Variants in CCSER1 observed in about 807,000 individuals in gnomAD.
CCSER1 encodes the protein coiled-coil serine rich protein 1.
CCSER1 carries 41 observed loss-of-function variants against 82.0 expected under a neutral mutation model. That is an observed-to-expected ratio of 0.50 (90% CI 0.39 to 0.65). The LOEUF (loss-of-function observed/expected upper bound fraction) is 0.65. CCSER1 is among the 30% of genes least tolerant of loss of function. CCSER1 has a pLI of 0.00. For missense variants in CCSER1, 1,119 were observed against 1,064.2 expected, an observed-to-expected ratio of 1.05 and a Z score of -0.72; for synonymous variants, 414 against 383.9, an observed-to-expected ratio of 1.08 and a Z score of -0.92.
At chr4:90,868,051 A>G (rs1413640985) in intron 8 of CCSER1, among the ~76,000 whole-genome samples, 3 of 152,026 alleles carry the variant, frequency 2.0e-5, no homozygotes, top group Admixed American at 6.6e-5. Flanking sequence ...TTTTTAAAAA[A>G]TTTTTAATTC....
chr4:91,166,575 C>T (rs1486981657), intron 10 of CCSER1, among the ~76,000 whole-genome samples: 1 of 152,148 alleles, frequency 6.6e-6, no homozygotes, highest in Admixed American at 6.5e-5. Context: ...ACCAAGCAAA[C>T]TTAATTGAGC....
chr4:90,665,123 T>C (rs1297459160), intron 6 of CCSER1, among the ~76,000 whole-genome samples: 1 of 152,090 alleles, frequency 6.6e-6, no homozygotes, highest in African/African-American at 2.4e-5. Context: ...GAGTATCTAG[T>C]AAGTTTAAGG....
intron 10 of CCSER1, among the ~76,000 whole-genome samples, chr4:91,098,887 C>T (rs1199692704): frequency 6.6e-6 from 1 of 152,052 alleles, no homozygotes; most frequent in Non-Finnish European, 1.5e-5. Context: ...TACACAACTT[C>T]CAAGACTAGA....
At chr4:90,431,504 T>C (rs1758273229) in intron 4 of CCSER1, among the ~76,000 whole-genome samples, 1 of 152,072 alleles carries the variant, frequency 6.6e-6, no homozygotes, top group Non-Finnish European at 1.5e-5. Context: ...TGAAGTCCTA[T>C]GTCAGCTTCC....
At chr4:91,279,516 T>A (rs1742748710) in intron 10 of CCSER1, among the ~76,000 whole-genome samples, 2 of 152,054 alleles carry the variant, frequency 1.3e-5, no homozygotes, top group Admixed American at 1.3e-4. Context: ...TTCTTCTGCT[T>A]GATCTAGTCC....
intron 10 of CCSER1, among the ~76,000 whole-genome samples, chr4:91,127,318 T>C (rs1055690860): frequency 3.9e-5 from 6 of 152,080 alleles, no homozygotes; most frequent in African/African-American, 1.4e-4. Flanking sequence ...AGTTCTACTA[T>C]TCAGGAGATT....
At chr4:90,514,149 C>T (rs777235248) in intron 5 of CCSER1, among the ~76,000 whole-genome samples, 16 of 152,094 alleles carry the variant, frequency 1.1e-4, no homozygotes, top group Non-Finnish European at 2.1e-4. Context: ...TTTAGAAATT[C>T]AGCAGGAAAT....
chr4:91,484,030 G>A (rs918470517), intron 10 of CCSER1, among the ~76,000 whole-genome samples: 8 of 136,918 alleles, frequency 5.8e-5, no homozygotes, highest in African/African-American at 2.2e-4. Flanking sequence ...AATAAGCACT[G>A]TTGAGTCTTA....
chr4:90,988,167 G>A (rs141287465), intron 9 of CCSER1, among the ~76,000 whole-genome samples: 352 of 150,828 alleles, frequency 2.3e-3, no homozygotes, highest in African/African-American at 7.3e-3. Context: ...AACTAAAAAT[G>A]AAAATTAAAA....
rs556539513 is a variant in CCSER1, at chr4:90,711,227, A to G, written c.1933-12687A>G. Among the ~76,000 whole-genome samples the G allele has an allele frequency of 3.3e-5, 5 of 152,096 alleles. No individual in the cohort carries two copies. In the East Asian group the frequency reaches 9.7e-4, roughly 29 times the overall value. On this transcript the variant is annotated intron_variant, in intron 6 of 10. Coordinates refer to ENST00000509176, the MANE Select transcript of CCSER1 (RefSeq NM_001145065.2). ...ATTGTGTATTAGCTTAAGAAGCTTT[A>G]GTGCTGATATGGTTGGGTTTTCTAG...
At chr4:90,320,808 C>T (rs1308755165) in intron 3 of CCSER1, among the ~76,000 whole-genome samples, 2 of 151,974 alleles carry the variant, frequency 1.3e-5, no homozygotes, top group African/African-American at 4.8e-5. Flanking sequence ...GTTTGTTGGG[C>T]AAAATTAGTA....
At chr4:91,108,522 T>G (rs1299631129) in intron 10 of CCSER1, among the ~76,000 whole-genome samples, 2 of 152,230 alleles carry the variant, frequency 1.3e-5, no homozygotes, top group African/African-American at 2.4e-5. Flanking sequence ...AACCAAATCA[T>G]AAGTGTTCTC....
intron 10 of CCSER1, among the ~76,000 whole-genome samples, chr4:91,244,774 CA>C (rs1469504129): frequency 6.6e-6 from 1 of 151,952 alleles, no homozygotes; most frequent in Non-Finnish European, 1.5e-5. Context: ...TATGGCCTCA[CA>C]AAAAGAATTA....
At chr4:90,195,762 TTCTCTCTTCCCAGAAAC>T (rs1736475701) in intron 1 of CCSER1, among the ~76,000 whole-genome samples, 1 of 152,104 alleles carries the variant, frequency 6.6e-6, no homozygotes, top group Non-Finnish European at 1.5e-5. Context: ...AAAGAGATAA[TTCTCTCTTCCCAGAAAC>T]TACGTTTGGC....
At chr4:91,490,514 A>G (rs1168731296) in intron 10 of CCSER1, among the ~76,000 whole-genome samples, 1 of 152,058 alleles carries the variant, frequency 6.6e-6, no homozygotes, top group Non-Finnish European at 1.5e-5. Context: ...TTCACGTGTT[A>G]TCATTCATTT....
intron 10 of CCSER1, among the ~76,000 whole-genome samples, chr4:91,488,572 T>G (rs565370461): frequency 6.6e-6 from 1 of 152,080 alleles, no homozygotes; most frequent in Non-Finnish European, 1.5e-5. Flanking sequence ...GGATAGTGAG[T>G]GAGTTAGCAC....
At chr4:91,347,909 C>A (rs903190895) in intron 10 of CCSER1, among the ~76,000 whole-genome samples, 1 of 151,100 alleles carries the variant, frequency 6.6e-6, no homozygotes, top group Non-Finnish European at 1.5e-5. Context: ...ATAATCATGT[C>A]ACCACCTTAA....
At chr4:91,179,873 GAGAAGAGGCGCTCTGA>G (rs1217927541) in intron 10 of CCSER1, among the ~76,000 whole-genome samples, 1 of 152,200 alleles carries the variant, frequency 6.6e-6, no homozygotes, top group Non-Finnish European at 1.5e-5. Context: ...TCCTTTGGAG[GAGAAGAGGCGCTCTGA>G]TTTTTAGAAT....
At chr4:91,474,146 A>G (rs1165591026) in intron 10 of CCSER1, among the ~76,000 whole-genome samples, 1 of 151,972 alleles carries the variant, frequency 6.6e-6, no homozygotes, top group African/African-American at 2.4e-5. Flanking sequence ...TTACACAGTA[A>G]AACTGGGATC....
Sources: allele counts gnomAD v4.1 joint callset (sites outside exome capture counted in the v4.1 genomes callset), GRCh38; gene constraint gnomAD v4.1.1; transcripts MANE v1.5; gene names NCBI Gene and HGNC (gene_info 2026-07-23, HGNC 2026-07-21).